DNAH11: variants seen among roughly 807,000 people sequenced by gnomAD.
The protein encoded by DNAH11 is dynein axonemal heavy chain 11.
DNAH11 carries 442 observed loss-of-function variants against 526.0 expected under a neutral mutation model. The observed-to-expected ratio is 0.84, with a 90% CI of 0.78 to 0.91. DNAH11 has a LOEUF of 0.91. Ranked by LOEUF, DNAH11 falls within the 40% of genes least tolerant of loss-of-function variation. DNAH11 has a pLI of 0.00. For synonymous variants in DNAH11, 2,461 were observed against 1,935.9 expected (o/e 1.27, Z -7.12); for missense variants, 6,989 against 5,448.7 (o/e 1.28, Z -8.90).
chr7:21,567,438 C>T (rs1783713818), intron 6 of DNAH11, among the ~76,000 whole-genome samples: 1 of 152,148 alleles, frequency 6.6e-6, no homozygotes. Context: ...AGGATCAATG[C>T]AGTGTTTTTA....
rs57346508 is a variant in DNAH11 at position 21,842,276 on chromosome 7, A to G, written c.10692-268A>G. Among the ~76,000 whole-genome samples, 1,261 of 152,326 alleles carry G rather than the reference A, an allele frequency of 8.3e-3. 16 individuals carry two copies. The highest frequency in any genetic ancestry group is 0.029 in the African/African-American group (1,185 of 41,574). On this transcript the variant is annotated intron_variant, in intron 65 of 81. Transcript: ENST00000409508. ...ATATTTGTTGTTATAGGTCTTTTATATGATTGTATTTAATTGTTACAGTGA... is the reference window on the plus strand; with the variant it reads ...ATATTTGTTGTTATAGGTCTTTTATGTGATTGTATTTAATTGTTACAGTGA...
At chr7:21,780,060 C>T (rs894307406) in intron 57 of DNAH11, among the ~76,000 whole-genome samples, 2 of 151,252 alleles carry the variant, frequency 1.3e-5, no homozygotes, top group Non-Finnish European at 2.9e-5. Flanking sequence ...AGCATGTTTT[C>T]CTTGCACAAC....
intron 54 of DNAH11, among the ~76,000 whole-genome samples, chr7:21,759,081 G>C (rs1476989037): frequency 6.6e-6 from 1 of 152,212 alleles, no homozygotes; most frequent in Non-Finnish European, 1.5e-5. Context: ...TTGGAACGCA[G>C]TCTGTGACCA....
At chr7:21,597,664 G>T (rs560363839) in intron 14 of DNAH11, among the ~76,000 whole-genome samples, 1 of 152,098 alleles carries the variant, frequency 6.6e-6, no homozygotes, top group Non-Finnish European at 1.5e-5. Flanking sequence ...GGGGGGTTGG[G>T]GCAGGGAGTC....
At position 21,807,773 on chromosome 7, in the gene DNAH11, AG is replaced by A. The variant is rs1275504097; in HGVS notation, c.10166-109del. 11 of 981,796 alleles carry A rather than the reference AG, an allele frequency of 1.1e-5. No homozygotes were observed. In the South Asian group the frequency reaches 1.9e-4, roughly 17 times the overall value. The allele number at this position is 981,796 out of a possible 1,614,324, so 60.8% of individuals were successfully genotyped here. ...CAACCCGTTACACTCTGTTCCTTAT[AG>A]TGACTGTGTGGAAGGACGTAAACCT... On this transcript the variant is annotated intron_variant, in intron 62 of 81. Transcript: ENST00000409508.
At chr7:21,803,068 C>G (rs1206174655) in intron 62 of DNAH11, among the ~76,000 whole-genome samples, 1 of 151,806 alleles carries the variant, frequency 6.6e-6, no homozygotes, top group East Asian at 1.9e-4. Context: ...TGTAACTACA[C>G]TATTAGAAAG....
intron 43 of DNAH11, among the ~76,000 whole-genome samples, chr7:21,719,488 G>A (rs749395074): frequency 1.4e-4 from 21 of 152,290 alleles, no homozygotes; most frequent in African/African-American, 4.6e-4. Flanking sequence ...ATAGCGTCAC[G>A]TTGAGACCCT....
Position 21,683,777 on chromosome 7 carries a change from C to T in DNAH11, c.5461-7C>T, listed in dbSNP as rs1162504184. 1.3e-6 allele frequency: 2 copies of T among 1,596,386 alleles called. No individual in the cohort carries two copies. Among genetic ancestry groups the T allele is most frequent in the Non-Finnish European group, 1.7e-6 (2 of 1,171,188 alleles). The stretch of plus-strand genomic sequence containing the variant: ...TCCTGCGTATGATGATTATGCAATG[C>T]CTTTAGGTTGTCAGTCCCCAAGCTT... On this transcript the variant is annotated splice_polypyrimidine_tract_variant and splice_region_variant and intron_variant, in intron 31 of 81. Coordinates refer to ENST00000409508, the MANE Select transcript of DNAH11 (RefSeq NM_001277115.2).
intron 23 of DNAH11, 87 bp from the exon 24 acceptor site, chr7:21,619,013 A>T: frequency 6.5e-7 from 1 of 1,535,118 alleles, no homozygotes; most frequent in Non-Finnish European, 9.0e-7. Context: ...AGTATATTTT[A>T]GTTAAGATTC....
At chr7:21,646,745 G>A (rs931113020) in intron 28 of DNAH11, among the ~76,000 whole-genome samples, 11 of 152,112 alleles carry the variant, frequency 7.2e-5, no homozygotes, top group African/African-American at 2.2e-4. Flanking sequence ...TCCTGGTAGC[G>A]GGGAATAAAT....
rs1783434887 is a variant in DNAH11 at position 21,720,855 on chromosome 7, A to G, written c.7265A>G (p.Gln2422Arg). Residue 2422 changes from glutamine to arginine, a missense_variant and splice_region_variant, in exon 44 of 82, where the codon CAG becomes CGG. Gln to Arg is a conservative substitution (Grantham distance 43). Transcript: ENST00000409508. ...TTTGGAGGCACCCTGCTACAAGATCAGGTATGTTTAGAAATAGTTTACAGG... is the reference window on the plus strand; with the variant it reads ...TTTGGAGGCACCCTGCTACAAGATCGGGTATGTTTAGAAATAGTTTACAGG... ...WAFGGTLLQD[Q>R]ISDYQADFSR... The G allele has an allele frequency of 6.8e-6, 11 of 1,611,728 alleles. No homozygotes were observed. Among genetic ancestry groups the G allele is most frequent in the Non-Finnish European group, 8.5e-6 (10 of 1,178,854 alleles).
intron 30 of DNAH11, among the ~76,000 whole-genome samples, chr7:21,663,731 C>T (rs1406183996): frequency 6.7e-6 from 1 of 149,292 alleles, no homozygotes; most frequent in Non-Finnish European, 1.5e-5. Context: ...TAATGTCCTC[C>T]TGATTGTCAT....
chr7:21,547,079 AAAAT>A (rs1401690206), intron 2 of DNAH11, among the ~76,000 whole-genome samples: 2 of 152,356 alleles, frequency 1.3e-5, no homozygotes, highest in East Asian at 3.9e-4. Flanking sequence ...ACTGACAACT[AAAAT>A]AAGACAAAAC....
chr7:21,574,040 G>A (rs910753956), intron 8 of DNAH11, among the ~76,000 whole-genome samples: 1 of 152,166 alleles, frequency 6.6e-6, no homozygotes, highest in African/African-American at 2.4e-5. Flanking sequence ...ATTTTATCAG[G>A]TGTGCCCATA....
intron 54 of DNAH11, among the ~76,000 whole-genome samples, chr7:21,752,116 A>G (rs1786440548): frequency 6.6e-6 from 1 of 152,276 alleles, no homozygotes; most frequent in South Asian, 2.1e-4. Flanking sequence ...CCTCCAAGTG[A>G]TTCAGAGGCA....
intron 30 of DNAH11, among the ~76,000 whole-genome samples, chr7:21,672,038 G>A (rs1484769272): frequency 1.3e-5 from 2 of 152,294 alleles, no homozygotes; most frequent in African/African-American, 2.4e-5. Flanking sequence ...AAGAGCATGG[G>A]ACTTGGTCTC....
chr7:21,876,680 C>T (rs375662671), intron 74 of DNAH11, among the ~76,000 whole-genome samples: 28 of 152,320 alleles, frequency 1.8e-4, no homozygotes, highest in Middle Eastern at 3.4e-3. Flanking sequence ...GGGCTTTTCA[C>T]GGTCCCAGGT....
intron 68 of DNAH11, among the ~76,000 whole-genome samples, chr7:21,855,929 C>G (rs1407875513): frequency 2.0e-5 from 3 of 152,076 alleles, no homozygotes; most frequent in Non-Finnish European, 2.9e-5. Context: ...GGAGAGGCTG[C>G]TTTTACTGGG....
intron 76 of DNAH11, among the ~76,000 whole-genome samples, chr7:21,890,238 T>C (rs1562605980): frequency 6.6e-6 from 1 of 152,242 alleles, no homozygotes; most frequent in Non-Finnish European, 1.5e-5. Context: ...TCAGGCTGTC[T>C]AGCTGTATAC....
Sources: allele counts gnomAD v4.1 joint callset (sites outside exome capture counted in the v4.1 genomes callset), GRCh38; gene constraint gnomAD v4.1.1; transcripts MANE v1.5; gene names NCBI Gene and HGNC (gene_info 2026-07-23, HGNC 2026-07-21).